Variants in CAP2 observed in about 807,000 individuals in gnomAD.
CAP2 encodes the protein cyclase associated actin cytoskeleton regulatory protein 2.
A neutral mutation model predicts 57.7 loss-of-function variants in CAP2; 24 were observed. The observed-to-expected ratio is 0.42, with a 90% CI of 0.30 to 0.58. CAP2 has a LOEUF of 0.58. Among genes scored for constraint, CAP2 ranks in the 20% least tolerant of loss-of-function variants. The pLI, the probability that CAP2 is intolerant of heterozygous loss-of-function variation, is 0.22. For missense variants in CAP2, 501 were observed against 590.3 expected (o/e 0.85, Z 1.57); for synonymous variants, 194 against 207.2 (o/e 0.94, Z 0.55).
chr6:17,548,273 C>G (rs1029049830), intron 11 of CAP2, among the ~76,000 whole-genome samples: 1 of 150,794 alleles, frequency 6.6e-6, no homozygotes, highest in African/African-American at 2.4e-5. Flanking sequence ...AGGCTGAGGC[C>G]GGAGAATCGC....
At position 17,421,605 on chromosome 6, in the gene CAP2, G is replaced by A. The variant is rs141863829; in HGVS notation, c.50G>A (p.Arg17His). Reference protein sequence around the residue: ...LVERLERAVSRLESLSAESHR... With the variant: ...LVERLERAVSHLESLSAESHR... ...GAAAGACTGGAACGAGCTGTCAGCC[G>A]CCTGGAGTCGCTGTCTGCAGAGTCC... Residue 17 changes from arginine (R) to histidine (H), a missense_variant, in exon 2 of 13, where the codon CGC becomes CAC. Transcript: ENST00000229922. 11 of 1,613,990 alleles carry A rather than the reference G, an allele frequency of 6.8e-6. No homozygotes were observed. The highest frequency in any genetic ancestry group is 6.7e-5 in the East Asian group (3 of 44,874).
chr6:17,443,712 G>A (rs1490759242), intron 3 of CAP2, among the ~76,000 whole-genome samples: 1 of 152,144 alleles, frequency 6.6e-6, no homozygotes, highest in African/African-American at 2.4e-5. Flanking sequence ...GCATCACTCT[G>A]ATTCTAGGGA....
chr6:17,440,614 G>GGTGTGTGTGTGT (rs55662495), intron 3 of CAP2, among the ~76,000 whole-genome samples: 1 of 141,680 alleles, frequency 7.1e-6, no homozygotes, highest in Non-Finnish European at 1.5e-5. Context: ...AACTGTGTGT[G>GGTGTGTGTGTGT]GTGTGTGTGT....
At chr6:17,426,475 T>C (rs1279101473) in intron 2 of CAP2, 115 bp from the exon 3 acceptor site, 2 of 719,754 alleles carry the variant, frequency 2.8e-6, no homozygotes, top group Non-Finnish European at 5.1e-6. Context: ...CCTCAGGTGA[T>C]CTGCCTGCCT....
chr6:17,434,936 A>G (rs1288432029), intron 3 of CAP2, among the ~76,000 whole-genome samples: 1 of 146,464 alleles, frequency 6.8e-6, no homozygotes, highest in Non-Finnish European at 1.5e-5. Flanking sequence ...AGAAATGCTC[A>G]TCATCACTGG....
intron 2 of CAP2, among the ~76,000 whole-genome samples, chr6:17,423,542 G>C (rs1759499528): frequency 6.6e-6 from 1 of 151,836 alleles, no homozygotes; most frequent in African/African-American, 2.4e-5. Flanking sequence ...GTAAACTACT[G>C]ACCACAAATG....
intron 11 of CAP2, 109 bp downstream of exon 11, chr6:17,543,252 G>T: frequency 2.3e-6 from 2 of 853,858 alleles, no homozygotes; most frequent in Non-Finnish European, 1.9e-6. Flanking sequence ...TTCCAACCAC[G>T]CTGTAATAAG....
At chr6:17,498,556 T>C (rs1050567709) in intron 4 of CAP2, among the ~76,000 whole-genome samples, 1 of 152,124 alleles carries the variant, frequency 6.6e-6, no homozygotes, top group African/African-American at 2.4e-5. Flanking sequence ...TAGTTCTATG[T>C]CCCAGGCTCC....
chr6:17,428,213 G>C (rs1188427794), intron 3 of CAP2, among the ~76,000 whole-genome samples: 1 of 152,158 alleles, frequency 6.6e-6, no homozygotes, highest in East Asian at 1.9e-4. Context: ...CTCTGGGTTG[G>C]AAGAGAACTT....
At chr6:17,539,569 G>A in intron 8 of CAP2, 111 bp downstream of exon 8, 2 of 790,722 alleles carry the variant, frequency 2.5e-6, no homozygotes, top group East Asian at 5.3e-5. Context: ...CCTGCCTCCA[G>A]CATGCAGGGA....
intron 4 of CAP2, among the ~76,000 whole-genome samples, chr6:17,476,965 G>A (rs1761164079): frequency 6.7e-6 from 1 of 149,398 alleles, no homozygotes; most frequent in South Asian, 2.1e-4. Flanking sequence ...TCTGCCTCTC[G>A]GGTTCAAGTG....
At chr6:17,405,972 C>T (rs1019921889) in intron 1 of CAP2, among the ~76,000 whole-genome samples, 6 of 152,038 alleles carry the variant, frequency 3.9e-5, no homozygotes. Context: ...AACTCCTGGG[C>T]TCAAGCGATC....
intron 1 of CAP2, 111 bp from the exon 2 acceptor site, chr6:17,421,444 C>T: frequency 9.8e-7 from 1 of 1,024,510 alleles, no homozygotes; most frequent in Non-Finnish European, 1.5e-6. Flanking sequence ...AAAAATAAAG[C>T]CATCCCCAGT....
chr6:17,457,397 T>C (rs1760600851), intron 3 of CAP2, among the ~76,000 whole-genome samples: 1 of 152,158 alleles, frequency 6.6e-6, no homozygotes, highest in African/African-American at 2.4e-5. Context: ...ACTCAGCAGG[T>C]TCGGTAAAAT....
intron 4 of CAP2, among the ~76,000 whole-genome samples, chr6:17,482,692 C>T (rs567164730): frequency 1.3e-5 from 2 of 152,218 alleles, no homozygotes; most frequent in Non-Finnish European, 2.9e-5. Flanking sequence ...CGTGGTTTCT[C>T]CCTGTGTGTC....
intron 4 of CAP2, among the ~76,000 whole-genome samples, chr6:17,464,265 C>T (rs910411284): frequency 3.3e-5 from 5 of 152,012 alleles, no homozygotes; most frequent in Non-Finnish European, 5.9e-5. Flanking sequence ...ATTCTGCATC[C>T]GAAGTTTAAG....
chr6:17,543,387 G>A (rs577907385), intron 11 of CAP2, among the ~76,000 whole-genome samples: 55 of 152,112 alleles, frequency 3.6e-4, no homozygotes, highest in African/African-American at 1.0e-3. Flanking sequence ...GGAGGCCGAG[G>A]TGGGCGGATC....
intron 1 of CAP2, among the ~76,000 whole-genome samples, chr6:17,401,822 T>C (rs1223222805): frequency 2.0e-5 from 3 of 152,134 alleles, no homozygotes; most frequent in Non-Finnish European, 4.4e-5. Context: ...AACCCTTCAC[T>C]CCCCCTCCTT....
intron 7 of CAP2, among the ~76,000 whole-genome samples, chr6:17,518,499 C>A (rs1762320251): frequency 6.6e-6 from 1 of 152,120 alleles, no homozygotes; most frequent in Non-Finnish European, 1.5e-5. Flanking sequence ...AAAGCAAGAC[C>A]ATTTCATTTG....
Sources: allele counts gnomAD v4.1 joint callset (sites outside exome capture counted in the v4.1 genomes callset), GRCh38; gene constraint gnomAD v4.1.1; transcripts MANE v1.5; gene names NCBI Gene and HGNC (gene_info 2026-07-23, HGNC 2026-07-21).